NSG2: variants seen among roughly 807,000 people sequenced by gnomAD.
NSG2 encodes neuronal vesicle trafficking associated 2.
Under a neutral mutation model 16.9 loss-of-function variants are expected in NSG2, and 4 were observed. That is an observed-to-expected ratio of 0.24 (90% confidence interval 0.12 to 0.54). The LOEUF (loss-of-function observed/expected upper bound fraction) is 0.54, where lower values mean the gene tolerates loss of function less well. Among genes scored for constraint, NSG2 ranks in the 20% least tolerant of loss-of-function variants. The probability of loss-of-function intolerance (pLI) is 0.95; values close to 1 mark genes in which losing one functional copy is unlikely to be tolerated. For synonymous variants in NSG2, 98 were observed against 88.7 expected (o/e 1.11, Z -0.59); for missense variants, 179 against 221.1 (o/e 0.81, Z 1.21).
chr5:174,097,115 A>T (rs1169560053), intron 3 of NSG2, among the ~76,000 whole-genome samples: 1 of 152,042 alleles, frequency 6.6e-6, no homozygotes, highest in Admixed American at 6.6e-5. Flanking sequence ...CACTGTGATT[A>T]GATGGAGGGA....
intron 2 of NSG2, among the ~76,000 whole-genome samples, chr5:174,051,684 T>G (rs932969423): frequency 3.3e-5 from 5 of 152,204 alleles, no homozygotes; most frequent in African/African-American, 1.2e-4. Context: ...TGGCCACTGC[T>G]TTCATGGAGC....
chr5:174,107,239 CAG>C lies in NSG2; in HGVS notation c.325-74_325-73del. On this transcript the variant is annotated intron_variant, in intron 4 of 4. Transcript: ENST00000303177. This position sits in a 1 kb window ranked among gnomAD's most constrained non-coding sequence, Gnocchi z 4.5. ...CAGCCCGATGCAGCTGCACTCCAGT[CAG>C]GGTGGCTGTGTTGCTGGGCAGGTTG... 1 of 1,344,126 alleles carries C rather than the reference CAG, an allele frequency of 7.4e-7. No individual in the cohort carries two copies. The highest frequency in any genetic ancestry group is 1.9e-4 in the Middle Eastern group (1 of 5,210). 83.3% of individuals were successfully genotyped at this position (1,344,126 alleles called of 1,614,324 possible). A position where few individuals can be genotyped will look rare whatever the true frequency, so the allele number is the denominator to read the frequency against.
intron 2 of NSG2, among the ~76,000 whole-genome samples, chr5:174,052,611 A>C (rs918057272): frequency 2.0e-5 from 3 of 152,182 alleles, no homozygotes; most frequent in African/African-American, 7.2e-5. Context: ...GCAGACATCA[A>C]ATTTCAGGAC....
intron 2 of NSG2, among the ~76,000 whole-genome samples, chr5:174,060,875 C>A (rs561282620): frequency 1.7e-4 from 26 of 152,226 alleles, no homozygotes; most frequent in Non-Finnish European, 2.8e-4. Flanking sequence ...TGGAGAATCT[C>A]TTTCCAGTCT....
At chr5:174,062,346 T>C (rs1760065726) in intron 2 of NSG2, among the ~76,000 whole-genome samples, 1 of 152,166 alleles carries the variant, frequency 6.6e-6, no homozygotes, top group Non-Finnish European at 1.5e-5. Context: ...TTAAGTGAGG[T>C]AAGGCATGCC....
chr5:174,086,870 C>T (rs1480790345), intron 3 of NSG2, among the ~76,000 whole-genome samples: 1 of 152,174 alleles, frequency 6.6e-6, no homozygotes, highest in Admixed American at 6.5e-5. Flanking sequence ...TTCTTCCTAA[C>T]GATTATACCA....
intron 2 of NSG2, among the ~76,000 whole-genome samples, chr5:174,047,547 A>G (rs560364786): frequency 1.3e-5 from 2 of 152,334 alleles, no homozygotes; most frequent in Non-Finnish European, 2.9e-5. Flanking sequence ...CCTTCCTGGC[A>G]GACCATGGAG....
chr5:174,071,919 CT>C (rs1760249416), intron 3 of NSG2, among the ~76,000 whole-genome samples: 1 of 152,138 alleles, frequency 6.6e-6, no homozygotes, highest in Non-Finnish European at 1.5e-5. Flanking sequence ...CCAGTGGCTC[CT>C]TCTCCTTTCC....
At chr5:174,051,561 T>TACCCATCC (rs1456076677) in intron 2 of NSG2, among the ~76,000 whole-genome samples, 2 of 152,002 alleles carry the variant, frequency 1.3e-5, no homozygotes, top group East Asian at 3.9e-4. Context: ...TCCATCCATC[T>TACCCATCC]ACCCATCCAT....
intron 2 of NSG2, 148 bp downstream of exon 2, chr5:174,047,032 G>A (rs1185925956): frequency 5.1e-6 from 4 of 784,650 alleles, no homozygotes; most frequent in Non-Finnish European, 8.2e-6. Flanking sequence ...ATTCCTTCCA[G>A]AGCCAAGACA....
chr5:174,085,827 G>A (rs1469631095), intron 3 of NSG2, among the ~76,000 whole-genome samples: 1 of 152,210 alleles, frequency 6.6e-6, no homozygotes, highest in Admixed American at 6.5e-5. Flanking sequence ...GACTCCACCT[G>A]ACCTGGCTGT....
At chr5:174,071,546 G>C (rs1181599641) in intron 3 of NSG2, among the ~76,000 whole-genome samples, 1 of 152,182 alleles carries the variant, frequency 6.6e-6, no homozygotes, top group Non-Finnish European at 1.5e-5. Flanking sequence ...ACAGCAACAA[G>C]TAAAACAAAA....
intron 3 of NSG2, among the ~76,000 whole-genome samples, chr5:174,066,882 TGGGAGGCTGA>T (rs1484663684): frequency 2.1e-5 from 3 of 143,972 alleles, no homozygotes; most frequent in Non-Finnish European, 4.5e-5. Context: ...CCCAGCTACT[TGGGAGGCTGA>T]GGCAGGAGAA....
intron 1 of NSG2, 67 bp from the exon 2 acceptor site, chr5:174,046,667 C>A: frequency 6.7e-7 from 1 of 1,484,850 alleles, no homozygotes. Flanking sequence ...GTGCTATTTT[C>A]TCTGTCGTCA....
chr5:174,073,188 C>T (rs1760272726), intron 3 of NSG2, among the ~76,000 whole-genome samples: 1 of 152,238 alleles, frequency 6.6e-6, no homozygotes, highest in Non-Finnish European at 1.5e-5. Flanking sequence ...CCTGATGCCA[C>T]ATTCTTAAGA....
At position 174,107,440 on chromosome 5, in the gene NSG2, G is replaced by A. The variant is rs780628335; in HGVS notation, c.451G>A (p.Gly151Arg). ...VAKQSTARAI[G>R]PWLSAAAVIH... ...CAAGCAGAGCACTGCCCGGGCCATC[G>A]GGCCGTGGCTGTCAGCAGCCGCTGT... The change falls in exon 5 of 5, where the codon GGG becomes AGG. Residue 151 changes from glycine to arginine, a missense_variant. Physicochemically the swap from Gly to Arg is moderately radical, Grantham distance 125. Transcript: ENST00000303177. This position sits in a 1 kb window ranked among gnomAD's most constrained non-coding sequence, Gnocchi z 4.5. 8.1e-6 allele frequency: 13 copies of A among 1,612,344 alleles called. No individual in the cohort carries two copies. Among genetic ancestry groups the A allele is most frequent in the East Asian group, 4.5e-5 (2 of 44,828 alleles).
Position 174,049,852 on chromosome 5 carries a change from C to A in NSG2, c.129+2968C>A, listed in dbSNP as rs186032655. ...AAGAGTAATTACATTGTTTCCCTGA[C>A]ATGAGAACAGATGTGTTCAAAGTAA... On this transcript the variant is annotated intron_variant, in intron 2 of 4. Transcript: ENST00000303177. Among the ~76,000 whole-genome samples, 39 of 152,336 alleles carry A rather than the reference C, an allele frequency of 2.6e-4. 1 individual carries two copies. Among genetic ancestry groups the A allele is most frequent in the African/African-American group, 9.1e-4 (38 of 41,570 alleles).
At chr5:174,096,793 CTGGGGGAAAAG>C (rs1581241422) in intron 3 of NSG2, among the ~76,000 whole-genome samples, 1 of 152,176 alleles carries the variant, frequency 6.6e-6, no homozygotes, top group South Asian at 2.1e-4. Context: ...AGGCATGGCT[CTGGGGGAAAAG>C]TGGAGGCAGG....
In NSG2 at chr5:174,107,578, C is replaced by T. The variant is rs1053930849; in HGVS notation, c.*73C>T. ...CATTGGCTAAGCCAAGCTCCAGTTA[C>T]AAGACAACACTGTACTCCTGGGATA... is the stretch of plus-strand genomic sequence containing the variant. On this transcript the variant is annotated 3_prime_UTR_variant, in exon 5 of 5. Coordinates refer to ENST00000303177, the MANE Select transcript of NSG2 (RefSeq NM_015980.5). The surrounding 1 kb of genome is among the most constrained non-coding windows in gnomAD (Gnocchi z 4.5). 9.1e-7 allele frequency: 1 copy of T among 1,103,654 alleles called. No individual in the cohort carries two copies. The highest frequency in any genetic ancestry group is 1.6e-5 in the African/African-American group (1 of 61,630). 68.4% of individuals were successfully genotyped at this position (1,103,654 alleles called of 1,614,324 possible).
Sources: gnomAD v4.1 joint callset for allele counts (sites outside exome capture counted in the v4.1 genomes callset) on GRCh38, gnomAD v4.1.1 for gene constraint, Gnocchi (gnomAD v3.1) non-coding constraint, MANE v1.5 for transcripts, NCBI Gene and HGNC (gene_info 2026-07-23, HGNC 2026-07-21) for gene names.